ABTB3: variants seen among roughly 807,000 people sequenced by gnomAD.
ABTB3 encodes ankyrin repeat- and BTB/POZ domain-containing protein 3.
the ABTB3 span, among the ~76,000 whole-genome samples, chr12:107,574,254 C>T: frequency 6.6e-6 from 1 of 152,216 alleles, no homozygotes; most frequent in Admixed American, 6.5e-5. Flanking sequence ...AGCTCAACTC[C>T]TTCTATTCCA....
the ABTB3 span, among the ~76,000 whole-genome samples, chr12:107,386,312 T>C: frequency 1.3e-5 from 2 of 152,224 alleles, no homozygotes; most frequent in Non-Finnish European, 2.9e-5. Flanking sequence ...TCAGTTGATA[T>C]TTGCTTGTGG....
At chr12:107,626,250 G>T in the ABTB3 span, among the ~76,000 whole-genome samples, 6 of 151,950 alleles carry the variant, frequency 3.9e-5, no homozygotes, top group Non-Finnish European at 8.8e-5. Flanking sequence ...TTTGCAAAAG[G>T]GTTAGGGAAA....
the ABTB3 span, among the ~76,000 whole-genome samples, chr12:107,381,931 C>A: frequency 6.6e-6 from 1 of 152,186 alleles, no homozygotes; most frequent in Non-Finnish European, 1.5e-5. Context: ...CATGTAATAA[C>A]TACTCTATAT....
At chr12:107,477,995 C>T in the ABTB3 span, among the ~76,000 whole-genome samples, 2 of 152,172 alleles carry the variant, frequency 1.3e-5, no homozygotes, top group Non-Finnish European at 2.9e-5. Flanking sequence ...CCTCTAAGCC[C>T]TTTGGGAAGA....
the ABTB3 span, among the ~76,000 whole-genome samples, chr12:107,656,884 G>A: frequency 6.6e-6 from 1 of 152,076 alleles, no homozygotes; most frequent in Non-Finnish European, 1.5e-5. Context: ...AGATTTCTAA[G>A]CCAGGTGCAG....
chr12:107,401,761 A>C, the ABTB3 span, among the ~76,000 whole-genome samples: 1 of 152,246 alleles, frequency 6.6e-6, no homozygotes, highest in South Asian at 2.1e-4. Flanking sequence ...GAAATTCTAG[A>C]GTCTGAGCAT....
chr12:107,482,910 CTTCTTCTTTCTTTCTTTCT>C, the ABTB3 span, among the ~76,000 whole-genome samples: 2 of 134,316 alleles, frequency 1.5e-5, no homozygotes, highest in African/African-American at 5.8e-5. Context: ...CTCTCTCTTT[CTTCTTCTTTCTTTCTTTCT>C]TTCTTTCTTT....
chr12:107,614,948 A>G, the ABTB3 span: 1 of 830,780 alleles, frequency 1.2e-6, no homozygotes. Flanking sequence ...GGCATCTTCC[A>G]GGATGTCTTT....
the ABTB3 span, among the ~76,000 whole-genome samples, chr12:107,350,703 A>G: frequency 6.6e-6 from 1 of 152,162 alleles, no homozygotes; most frequent in Non-Finnish European, 1.5e-5. Flanking sequence ...CCAAGCATCA[A>G]AATGCTGGAG....
At chr12:107,590,243 T>A in the ABTB3 span, among the ~76,000 whole-genome samples, 898 of 152,276 alleles carry the variant, frequency 5.9e-3, 20 homozygotes, top group Non-Finnish European at 4.1e-3. Flanking sequence ...CAAAAAGGCT[T>A]CTATATAAAC....
chr12:107,608,956 TATA>T, the ABTB3 span, among the ~76,000 whole-genome samples: 150 of 66,290 alleles, frequency 2.3e-3, 2 homozygotes, highest in African/African-American at 8.7e-3. Context: ...TAAAATAAAA[TATA>T]AAATAAAATA....
the ABTB3 span, among the ~76,000 whole-genome samples, chr12:107,543,732 C>T: frequency 1.4e-4 from 22 of 152,122 alleles, no homozygotes; most frequent in African/African-American, 4.6e-4. Context: ...GTGCTTGAAA[C>T]GCACCCCAGA....
chr12:107,558,496 T>A, the ABTB3 span, among the ~76,000 whole-genome samples: 3 of 152,206 alleles, frequency 2.0e-5, no homozygotes, highest in African/African-American at 4.8e-5. Context: ...AAGATTTTTG[T>A]CTGCAGGTGT....
At chr12:107,329,169 A>T in the ABTB3 span, among the ~76,000 whole-genome samples, 1 of 152,190 alleles carries the variant, frequency 6.6e-6, no homozygotes, top group Non-Finnish European at 1.5e-5. Context: ...GACATACAGG[A>T]GAATTGATTC....
At chr12:107,351,967 G>A in the ABTB3 span, among the ~76,000 whole-genome samples, 16 of 152,092 alleles carry the variant, frequency 1.1e-4, no homozygotes, top group Non-Finnish European at 1.8e-4. Context: ...TCTACCAATG[G>A]CATGCCATTC....
chr12:107,468,028 G>T, the ABTB3 span, among the ~76,000 whole-genome samples: 1 of 152,170 alleles, frequency 6.6e-6, no homozygotes, highest in African/African-American at 2.4e-5. Context: ...CATTGCCTTG[G>T]CTTGAAAGAT....
the ABTB3 span, among the ~76,000 whole-genome samples, chr12:107,360,732 T>C: frequency 6.6e-6 from 1 of 152,066 alleles, no homozygotes; most frequent in Non-Finnish European, 1.5e-5. Flanking sequence ...AGGAGTTCTC[T>C]CCATTAGTCA....
the ABTB3 span, among the ~76,000 whole-genome samples, chr12:107,381,930 ACTACT>A: frequency 3.9e-5 from 6 of 152,332 alleles, no homozygotes; most frequent in Admixed American, 6.5e-5. Flanking sequence ...GCATGTAATA[ACTACT>A]CTATATGTGC....
chr12:107,612,120 G>A, the ABTB3 span, among the ~76,000 whole-genome samples: 1 of 152,200 alleles, frequency 6.6e-6, no homozygotes, highest in Non-Finnish European at 1.5e-5. Context: ...TAATTTGGAT[G>A]TTTTCCCAAA....
Sources: gnomAD v4.1 joint callset for allele counts (sites outside exome capture counted in the v4.1 genomes callset) on GRCh38, gnomAD v4.1.1 for gene constraint, MANE v1.5 for transcripts, NCBI Gene and HGNC (gene_info 2026-07-23, HGNC 2026-07-21) for gene names.